CEP192: variants seen among roughly 807,000 people sequenced by gnomAD.
The protein encoded by CEP192 is centrosomal protein 192.
In CEP192, 151 loss-of-function variants were observed where a neutral mutation model predicts 271.8. That is an observed-to-expected ratio of 0.56 (90% CI 0.49 to 0.64). The LOEUF (loss-of-function observed/expected upper bound fraction) is 0.64, where lower values mean the gene tolerates loss of function less well. Among genes scored for constraint, CEP192 ranks in the 30% least tolerant of loss-of-function variants. CEP192 has a pLI of 0.00. For synonymous variants in CEP192, 995 were observed against 1,076.5 expected (o/e 0.92, Z 1.48); for missense variants, 2,910 against 3,020.5 (o/e 0.96, Z 0.86).
chr18:13,113,244 A>G (rs904899241), intron 40 of CEP192, among the ~76,000 whole-genome samples: 5 of 152,230 alleles, frequency 3.3e-5, no homozygotes, highest in Non-Finnish European at 7.3e-5. Context: ...TAAGCACACA[A>G]GGGAAGACAA....
At chr18:13,023,398 A>G (rs1268310604) in intron 9 of CEP192, among the ~76,000 whole-genome samples, 1 of 150,128 alleles carries the variant, frequency 6.7e-6, no homozygotes, top group Non-Finnish European at 1.5e-5. Context: ...AACTTATTTT[A>G]TTTTTATCAA....
chr18:13,101,750 G>A lies in CEP192; in HGVS notation c.6871+1238G>A, dbSNP rs564059242. Among the ~76,000 whole-genome samples, 21 of 152,058 alleles carry A rather than the reference G, an allele frequency of 1.4e-4. No homozygotes were observed. The East Asian group carries it at 2.5e-3, about 18-fold the overall frequency. ...CTGAGCCTGGCACTTGCTGACTGTC[G>A]CCCATCTCTTCAGCTCACCCACTGA... On this transcript the variant is annotated intron_variant, in intron 38 of 44. Coordinates refer to ENST00000506447, the MANE Select transcript of CEP192 (RefSeq NM_032142.4).
At chr18:13,063,924 T>G (rs994673008) in intron 21 of CEP192, among the ~76,000 whole-genome samples, 2 of 151,070 alleles carry the variant, frequency 1.3e-5, no homozygotes, top group African/African-American at 4.9e-5. Flanking sequence ...GGGTTCAAGC[T>G]GTTCTCCTGC....
At position 13,052,999 on chromosome 18, in the gene CEP192, C is replaced by T. The variant is rs377566385; in HGVS notation, c.3098C>T (p.Ser1033Leu). ...CEQELSPLVC[S>L]PAGVSRLTYV... Reference sequence around the variant, plus strand: ...CAGGAGTTGTCTCCCTTGGTGTGCTCGCCTGCTGGGGTGAGCAGGCTGACG... The same window carrying T: ...CAGGAGTTGTCTCCCTTGGTGTGCTTGCCTGCTGGGGTGAGCAGGCTGACG... Residue 1033 changes from serine (S) to leucine (L), a missense_variant, in exon 18 of 45, where the codon TCG becomes TTG. Coordinates refer to ENST00000506447, the MANE Select transcript of CEP192 (RefSeq NM_032142.4). 56 of 1,613,812 alleles carry T rather than the reference C, an allele frequency of 3.5e-5. 1 individual carries two copies. Among genetic ancestry groups the T allele is most frequent in the Middle Eastern group, 3.3e-4 (2 of 6,084 alleles).
rs777427588 is a variant in CEP192, at chr18:13,092,335, G to A, written c.6104-42G>A. 4 of 1,352,892 alleles carry A rather than the reference G, an allele frequency of 3.0e-6. No individual in the cohort carries two copies. In the Admixed American group the frequency reaches 5.7e-5, roughly 19 times the overall value. 83.8% of individuals were successfully genotyped at this position (1,352,892 alleles called of 1,614,324 possible). A position where few individuals can be genotyped will look rare whatever the true frequency, so the allele number is the denominator to read the frequency against. ...GTATCTGTTACTTTGTGGTATGCTT[G>A]TGTGAACATTCATGTATTTCAAACA... On this transcript the variant is annotated intron_variant, in intron 33 of 44. Transcript: ENST00000506447.
intron 40 of CEP192, among the ~76,000 whole-genome samples, chr18:13,113,264 T>C (rs1405865507): frequency 1.3e-5 from 2 of 152,260 alleles, no homozygotes; most frequent in African/African-American, 4.8e-5. Context: ...ATTGCGGGTC[T>C]GTGGTTGGAC....
At chr18:13,097,264 T>G (rs886146724) in intron 36 of CEP192, among the ~76,000 whole-genome samples, 1 of 152,182 alleles carries the variant, frequency 6.6e-6, no homozygotes, top group Non-Finnish European at 1.5e-5. Context: ...CCCTTTCATT[T>G]TTGACATGTG....
At chr18:13,122,003 T>G (rs866673111) in intron 44 of CEP192, among the ~76,000 whole-genome samples, 1 of 152,256 alleles carries the variant, frequency 6.6e-6, no homozygotes, top group Non-Finnish European at 1.5e-5. Context: ...AAAAAAATGT[T>G]TTGGGCCGGG....
chr18:13,067,556 TA>T (rs1164338233), intron 21 of CEP192, among the ~76,000 whole-genome samples: 2 of 152,368 alleles, frequency 1.3e-5, no homozygotes, highest in African/African-American at 4.8e-5. Flanking sequence ...TCTATAATTT[TA>T]TAAAATTATC....
At chr18:13,093,368 G>T (rs549667575) in intron 34 of CEP192, among the ~76,000 whole-genome samples, 2 of 152,284 alleles carry the variant, frequency 1.3e-5, no homozygotes, top group South Asian at 4.1e-4. Flanking sequence ...CTCTGGTCCG[G>T]AGTGTAATCT....
intron 2 of CEP192, among the ~76,000 whole-genome samples, chr18:12,999,873 G>C (rs946383659): frequency 7.2e-6 from 1 of 138,948 alleles, no homozygotes; most frequent in African/African-American, 2.7e-5. Context: ...ATTTGTATTA[G>C]TTCAGTCACA....
chr18:13,092,809 CGTAAGAGTAA>C (rs2144758252), intron 34 of CEP192, among the ~76,000 whole-genome samples: 2 of 152,172 alleles, frequency 1.3e-5, no homozygotes, highest in East Asian at 3.9e-4. Context: ...TTCTGGACCA[CGTAAGAGTAA>C]GTTTCAGGCA....
Position 13,099,590 on chromosome 18 carries a change from A to G in CEP192, c.6663+9A>G. 1 of 1,471,210 alleles carries G rather than the reference A, an allele frequency of 6.8e-7. No individual in the cohort carries two copies. The allele number at this position is 1,471,210 out of a possible 1,614,324, so 91.1% of individuals were successfully genotyped here. Reference sequence around the variant, plus strand: ...GTGACGATGGACAGAAGGTACTTTTAAAAGTGGTTTGGTTTTTTTTTTGAG... The same window carrying G: ...GTGACGATGGACAGAAGGTACTTTTGAAAGTGGTTTGGTTTTTTTTTTGAG... On this transcript the variant is annotated intron_variant, in intron 37 of 44. Coordinates refer to ENST00000506447, the MANE Select transcript of CEP192 (RefSeq NM_032142.4).
At chr18:13,021,494 C>T (rs2034992751) in intron 9 of CEP192, among the ~76,000 whole-genome samples, 1 of 152,198 alleles carries the variant, frequency 6.6e-6, no homozygotes, top group Non-Finnish European at 1.5e-5. Context: ...GACAGTACCA[C>T]ACTGCTTTAA....
At chr18:13,084,234 C>G (rs2038776358) in intron 30 of CEP192, among the ~76,000 whole-genome samples, 1 of 152,142 alleles carries the variant, frequency 6.6e-6, no homozygotes. Context: ...TAGAGGTGGG[C>G]TCTATAGAGG....
Position 13,049,406 on chromosome 18 carries a change from A to G in CEP192, c.2615A>G (p.Asn872Ser), listed in dbSNP as rs375596491. The G allele has an allele frequency of 6.2e-7, 1 of 1,614,148 alleles. No homozygotes were observed. Among genetic ancestry groups the G allele is most frequent in the Non-Finnish European group, 8.5e-7 (1 of 1,180,018 alleles). Residue 872 changes from asparagine (N) to serine (S), a missense_variant, in exon 16 of 45, where the codon AAT (asparagine) becomes AGT (serine). Coordinates refer to ENST00000506447, the MANE Select transcript of CEP192 (RefSeq NM_032142.4). ...NSSNSVTNRE[N>S]NSAVVDVKTC... is the part of the protein sequence containing the mutation. ...TCAAATTCAGTTACAAATAGAGAGA[A>G]TAACAGTGCAGTAGTTGATGTGAAG... is the stretch of plus-strand genomic sequence containing the variant.
At chr18:13,089,881 A>C (rs2039062355) in intron 33 of CEP192, among the ~76,000 whole-genome samples, 1 of 152,188 alleles carries the variant, frequency 6.6e-6, no homozygotes, top group African/African-American at 2.4e-5. Flanking sequence ...TTCTCTAGGC[A>C]CCCTTGTAAA....
intron 1 of CEP192, among the ~76,000 whole-genome samples, chr18:12,994,406 C>T (rs915255011): frequency 2.6e-5 from 4 of 151,698 alleles, no homozygotes; most frequent in Non-Finnish European, 5.9e-5. Context: ...AATAGAAAAT[C>T]TAGTATGTGG....
chr18:13,072,818 T>C lies in CEP192; in HGVS notation c.5412T>C (p.Ile1804=), dbSNP rs778781394. The C allele has an allele frequency of 1.2e-6, 2 of 1,612,826 alleles. No homozygotes were observed. The highest frequency in any genetic ancestry group is 1.7e-6 in the Non-Finnish European group (2 of 1,178,776). The change falls in exon 29 of 45, where the codon ATT becomes ATC. Residue 1804 remains isoleucine (I), a synonymous_variant. Coordinates refer to ENST00000506447, the MANE Select transcript of CEP192 (RefSeq NM_032142.4). ...CAACTCAACATTTACGACTGCTTAT[T>C]AGAGGACAAGATCAGGACTGCTTTC... ...ASTTQHLRLL[I]RGQDQDCFQL...
Sources: gnomAD v4.1 joint callset for allele counts (sites outside exome capture counted in the v4.1 genomes callset) on GRCh38, gnomAD v4.1.1 for gene constraint, MANE v1.5 for transcripts, NCBI Gene and HGNC (gene_info 2026-07-23, HGNC 2026-07-21) for gene names.